MYT1L: variants seen among roughly 807,000 people sequenced by gnomAD.
The protein encoded by MYT1L is myelin transcription factor 1-like protein.
Under a neutral mutation model 126.7 loss-of-function variants are expected in MYT1L, and 12 were observed. That is an observed-to-expected ratio of 0.09 (90% CI 0.06 to 0.15). The LOEUF (loss-of-function observed/expected upper bound fraction) is 0.15. Ranked by LOEUF, MYT1L falls within the 10% of genes least tolerant of loss-of-function variation. MYT1L has a pLI of 1.00. For synonymous variants in MYT1L, 541 were observed against 604.2 expected (o/e 0.90, Z 1.53); for missense variants, 979 against 1,585.2 (o/e 0.62, Z 6.49).
At chr2:1,812,875 CA>C (rs33917296) in intron 21 of MYT1L, among the ~76,000 whole-genome samples, 6,610 of 59,760 alleles carry the variant, frequency 0.11, 135 homozygotes, top group East Asian at 0.29. Context: ...GACTCCGTCT[CA>C]AAAAAAAAAA....
chr2:1,913,522 G>A (rs1340778872), intron 11 of MYT1L, among the ~76,000 whole-genome samples: 1 of 152,010 alleles, frequency 6.6e-6, no homozygotes, highest in Non-Finnish European at 1.5e-5. Context: ...GCATGTGCGT[G>A]GTCCTCCTTC....
In MYT1L at chr2:1,809,175, C is replaced by CA. The variant is rs747458501; in HGVS notation, c.3081-9dup. ...CTCGGGCATCCTGACAAGCTGTGGACAAGACACAGGACGGCCATTAGTCAA... is the reference window on the plus strand; with the variant it reads ...CTCGGGCATCCTGACAAGCTGTGGACAAAGACACAGGACGGCCATTAGTCAA... On this transcript the variant is annotated splice_polypyrimidine_tract_variant and intron_variant, in intron 21 of 24. Transcript: ENST00000647738. 1.9e-6 allele frequency: 3 copies of CA among 1,613,744 alleles called. No individual in the cohort carries two copies. In the South Asian group the frequency reaches 3.3e-5, roughly 18 times the overall value.
intron 21 of MYT1L, among the ~76,000 whole-genome samples, chr2:1,834,020 G>A (rs1190459396): frequency 3.3e-5 from 5 of 152,222 alleles, no homozygotes; most frequent in African/African-American, 9.6e-5. Context: ...CCAAACCATG[G>A]GCATTGGTTC....
rs528776646 is a variant in MYT1L at position 1,887,795 on chromosome 2, A to G, written c.2521-186T>C. On this transcript the variant is annotated intron_variant, in intron 16 of 24. Transcript: ENST00000647738. This position sits in a 1 kb window ranked among gnomAD's most constrained non-coding sequence, Gnocchi z 4.8. ...TATTGAACTTTTCTTCCACTGCTCT[A>G]AACTCCTAAAATGATGGTCACCTGT... Among the ~76,000 whole-genome samples, 4 of 152,272 alleles carry G rather than the reference A, an allele frequency of 2.6e-5. No individual in the cohort carries two copies. The highest frequency in any genetic ancestry group is 7.2e-5 in the African/African-American group (3 of 41,542).
At chr2:2,129,382 C>T (rs907085454) in intron 3 of MYT1L, among the ~76,000 whole-genome samples, 3 of 152,148 alleles carry the variant, frequency 2.0e-5, no homozygotes, top group African/African-American at 7.2e-5. Context: ...TGCTATGAAA[C>T]CAGTATGGTA....
intron 4 of MYT1L, among the ~76,000 whole-genome samples, chr2:2,036,895 C>CA (rs2066916967): frequency 6.6e-6 from 1 of 152,202 alleles, no homozygotes; most frequent in Non-Finnish European, 1.5e-5. Flanking sequence ...TGCCTGTCAC[C>CA]AGGCCCTGCA....
chr2:1,896,516 A>C (rs1573343585), intron 14 of MYT1L, among the ~76,000 whole-genome samples: 1 of 152,312 alleles, frequency 6.6e-6, no homozygotes, highest in East Asian at 1.9e-4. Flanking sequence ...AAAAACAATA[A>C]AGTCTAAAGT....
intron 8 of MYT1L, among the ~76,000 whole-genome samples, chr2:1,965,607 G>T (rs2059289217): frequency 6.6e-6 from 1 of 152,260 alleles, no homozygotes; most frequent in Non-Finnish European, 1.5e-5. Flanking sequence ...GCCCTGGCAT[G>T]TCCCTTTTTC....
chr2:2,287,645 C>T (rs2095541965), intron 1 of MYT1L, among the ~76,000 whole-genome samples: 1 of 152,200 alleles, frequency 6.6e-6, no homozygotes, highest in African/African-American at 2.4e-5. Flanking sequence ...CTTTAAGACT[C>T]TCCTTTTGAC....
intron 2 of MYT1L, among the ~76,000 whole-genome samples, chr2:2,260,802 T>C (rs1454763593): frequency 6.6e-6 from 1 of 152,154 alleles, no homozygotes; most frequent in Non-Finnish European, 1.5e-5. Context: ...ACCTGCAGGG[T>C]GTCTTCAGAA....
At chr2:1,994,681 C>G (rs2149591030) in intron 5 of MYT1L, among the ~76,000 whole-genome samples, 1 of 152,316 alleles carries the variant, frequency 6.6e-6, no homozygotes, top group South Asian at 2.1e-4. Context: ...TAGGGCTGTT[C>G]TGAGACTACA....
At chr2:1,832,498 T>C (rs980748140) in intron 21 of MYT1L, among the ~76,000 whole-genome samples, 3 of 152,246 alleles carry the variant, frequency 2.0e-5, no homozygotes, top group African/African-American at 7.2e-5. Context: ...CCACCTCTCC[T>C]GCCGGGATTC....
intron 18 of MYT1L, among the ~76,000 whole-genome samples, chr2:1,876,513 C>T (rs544509073): frequency 1.4e-3 from 209 of 152,200 alleles, no homozygotes; most frequent in African/African-American, 4.8e-3. Flanking sequence ...GCTCCTGAGC[C>T]CGCGCCTACC....
At chr2:1,934,863 G>A (rs2055634601) in intron 9 of MYT1L, among the ~76,000 whole-genome samples, 2 of 152,052 alleles carry the variant, frequency 1.3e-5, no homozygotes, top group Admixed American at 1.3e-4. Context: ...CTCGGAACCC[G>A]GGGAGCAGAG....
chr2:2,002,726 C>A (rs1374081786), intron 4 of MYT1L, among the ~76,000 whole-genome samples: 1 of 152,008 alleles, frequency 6.6e-6, no homozygotes, highest in Non-Finnish European at 1.5e-5. Context: ...AATTGTAATC[C>A]CCATAGTCCC....
At chr2:2,184,007 G>GAGAAAGAGAGAAAGAAAGAC in intron 2 of MYT1L, among the ~76,000 whole-genome samples, 1 of 148,820 alleles carries the variant, frequency 6.7e-6, no homozygotes, top group Admixed American at 6.8e-5. Flanking sequence ...GAGGGAGAAA[G>GAGAAAGAGAGAAAGAAAGAC]AGAAAGAGAG....
In MYT1L at chr2:2,137,542, T is replaced by C. The variant is rs186503868; in HGVS notation, c.-304+35330A>G. Among the ~76,000 whole-genome samples the C allele has an allele frequency of 4.0e-3, 611 of 152,246 alleles. 4 individuals are homozygous for C. The highest frequency in any genetic ancestry group is 0.014 in the African/African-American group (583 of 41,534). ...GCCCTCAGAAATAATGCCACATATC[T>C]ACAACTATCTGATCTTTGACAAACC... On this transcript the variant is annotated intron_variant, in intron 3 of 24. Coordinates refer to ENST00000647738, the MANE Select transcript of MYT1L (RefSeq NM_001303052.2).
chr2:1,963,220 T>TA (rs2059101619), intron 8 of MYT1L, among the ~76,000 whole-genome samples: 3 of 152,308 alleles, frequency 2.0e-5, no homozygotes, highest in African/African-American at 2.4e-5. Flanking sequence ...CCATGAGCAG[T>TA]AAGAAATGAA....
At chr2:2,103,453 T>G (rs2078351672) in intron 3 of MYT1L, among the ~76,000 whole-genome samples, 1 of 152,090 alleles carries the variant, frequency 6.6e-6, no homozygotes, top group Non-Finnish European at 1.5e-5. Flanking sequence ...TGCCAGCCAG[T>G]TAGTGGTGGC....
Sources: allele counts gnomAD v4.1 joint callset (sites outside exome capture counted in the v4.1 genomes callset), GRCh38; gene constraint gnomAD v4.1.1; non-coding constraint Gnocchi (gnomAD v3.1); transcripts MANE v1.5; gene names NCBI Gene and HGNC (gene_info 2026-07-23, HGNC 2026-07-21).